Variants in SENP7 observed in about 807,000 individuals in gnomAD.
SENP7 encodes sentrin-specific protease 7.
A neutral mutation model predicts 141.2 loss-of-function variants in SENP7; 64 were observed. That is an observed-to-expected ratio of 0.45 (90% CI 0.37 to 0.56). SENP7 has a LOEUF of 0.56. SENP7 is among the 20% of genes least tolerant of loss of function. The probability of loss-of-function intolerance (pLI) is 0.00; values close to 1 mark genes in which losing one functional copy is unlikely to be tolerated. For missense variants in SENP7, 1,025 were observed against 1,212.2 expected, an observed-to-expected ratio of 0.85 and a Z score of 2.29; for synonymous variants, 382 against 426.4, an observed-to-expected ratio of 0.90 and a Z score of 1.28.
chr3:101,402,395 C>T lies in SENP7; in HGVS notation c.483-3340G>A, dbSNP rs551119933. ...TCCCAGCACTTTGGGCGGCAGAGGC[C>T]GGCGGATAACTTGAGGTCAGGAGTT... On this transcript the variant is annotated intron_variant, in intron 5 of 23. Coordinates refer to ENST00000394095, the MANE Select transcript of SENP7 (RefSeq NM_020654.5). Among the ~76,000 whole-genome samples the T allele has an allele frequency of 1.1e-4, 17 of 151,896 alleles. No individual in the cohort carries two copies. The East Asian group carries it at 1.7e-3, about 16-fold the overall frequency.
At chr3:101,508,492 G>C (rs921082632) in intron 1 of SENP7, among the ~76,000 whole-genome samples, 2 of 151,998 alleles carry the variant, frequency 1.3e-5, no homozygotes, top group South Asian at 2.1e-4. Flanking sequence ...CCAGCTACTC[G>C]GGAGGCTGAA....
intron 7 of SENP7, among the ~76,000 whole-genome samples, chr3:101,371,606 G>A (rs868275664): frequency 1.6e-4 from 25 of 152,092 alleles, no homozygotes; most frequent in Middle Eastern, 3.2e-3. Flanking sequence ...GCATCCTCCT[G>A]AAGTTGAGAG....
intron 4 of SENP7, among the ~76,000 whole-genome samples, chr3:101,424,701 G>A (rs2061900102): frequency 6.6e-6 from 1 of 151,910 alleles, no homozygotes; most frequent in Non-Finnish European, 1.5e-5. Flanking sequence ...TCACCAGCAG[G>A]GACTCCTGCT....
intron 9 of SENP7, among the ~76,000 whole-genome samples, 161 bp from the exon 10 acceptor site, chr3:101,365,152 G>A (rs867721433): frequency 3.3e-5 from 5 of 151,598 alleles, no homozygotes; most frequent in African/African-American, 4.8e-5. Context: ...ACAGGCATGC[G>A]CCACCATGCC....
chr3:101,441,033 C>T (rs1045673937), intron 4 of SENP7, among the ~76,000 whole-genome samples: 3 of 152,132 alleles, frequency 2.0e-5, no homozygotes, highest in African/African-American at 4.8e-5. Context: ...AGCTCACCAC[C>T]ACCATCAGCA....
At chr3:101,469,851 A>AAAAG (rs2063915386) in intron 3 of SENP7, among the ~76,000 whole-genome samples, 4 of 140,894 alleles carry the variant, frequency 2.8e-5, no homozygotes, top group African/African-American at 1.0e-4. Context: ...AAAAAAAAAA[A>AAAAG]AGAACAGAAA....
At chr3:101,392,875 T>G (rs1007263294) in intron 6 of SENP7, among the ~76,000 whole-genome samples, 1 of 152,142 alleles carries the variant, frequency 6.6e-6, no homozygotes. Context: ...TCCCAGCTAT[T>G]CAGGAGGCTG....
At chr3:101,331,750 A>G (rs2059060284) in intron 19 of SENP7, among the ~76,000 whole-genome samples, 2 of 152,208 alleles carry the variant, frequency 1.3e-5, no homozygotes, top group South Asian at 4.1e-4. Context: ...TGTTTGAAAT[A>G]TTTCATAAGA....
chr3:101,432,116 A>T (rs957797201), intron 4 of SENP7, among the ~76,000 whole-genome samples: 1 of 152,010 alleles, frequency 6.6e-6, no homozygotes, highest in Non-Finnish European at 1.5e-5. Context: ...ATCTTAAGAG[A>T]TTTCGGGCCT....
In SENP7 at chr3:101,458,961, G is replaced by C. The variant is rs199557195; in HGVS notation, c.278C>G (p.Pro93Arg). The change falls in exon 4 of 24, where the codon CCA becomes CGA. Residue 93 changes from proline (P) to arginine (R), a missense_variant. Pro to Arg is a moderately radical substitution (Grantham distance 103, BLOSUM62 -2). Around this residue, in one of 4 missense-constraint regions of SENP7, gnomAD observed 496 missense variants for 503.5 expected, o/e 0.99. Transcript: ENST00000394095. The part of the protein sequence containing the change: ...RGCPVTSKSS[P>R]ERQLKVMLTN... ...GCACACACACATATCTTACCTTTCT[G>C]GTGATGACTTGGAAGTAACAGGACA... 1 of 1,591,814 alleles carries C rather than the reference G, an allele frequency of 6.3e-7. No individual in the cohort carries two copies. The highest frequency in any genetic ancestry group is 2.2e-5 in the East Asian group (1 of 44,654).
intron 12 of SENP7, among the ~76,000 whole-genome samples, chr3:101,350,245 A>G (rs924281181): frequency 1.3e-5 from 2 of 152,156 alleles, no homozygotes; most frequent in African/African-American, 2.4e-5. Flanking sequence ...ATCAGTTCAG[A>G]TTACTTCTGG....
chr3:101,485,804 A>C (rs2064702521), intron 3 of SENP7, among the ~76,000 whole-genome samples: 1 of 152,192 alleles, frequency 6.6e-6, no homozygotes. Flanking sequence ...GATAGTCATA[A>C]AGCTAATCAG....
intron 4 of SENP7, among the ~76,000 whole-genome samples, chr3:101,421,438 T>C (rs561154813): frequency 1.3e-5 from 2 of 152,318 alleles, no homozygotes; most frequent in South Asian, 4.1e-4. Context: ...TTAAGTCTAA[T>C]GGAAAAACTA....
At chr3:101,438,803 T>C (rs1251897076) in intron 4 of SENP7, among the ~76,000 whole-genome samples, 7 of 151,478 alleles carry the variant, frequency 4.6e-5, no homozygotes, top group Admixed American at 2.0e-4. Flanking sequence ...TAAAAAAGAA[T>C]GAGTATCGGT....
At chr3:101,368,561 C>T (rs1171309759) in intron 7 of SENP7, among the ~76,000 whole-genome samples, 1 of 118,656 alleles carries the variant, frequency 8.4e-6, no homozygotes, top group East Asian at 2.5e-4. Flanking sequence ...GAACATCACA[C>T]ACTGGGCCTG....
At chr3:101,487,435 T>A (rs55965082) in intron 3 of SENP7, among the ~76,000 whole-genome samples, 1,531 of 152,266 alleles carry the variant, frequency 0.01, 29 homozygotes, top group African/African-American at 0.035. Flanking sequence ...TTGTTTTGTT[T>A]TTTTGCTGTG....
chr3:101,359,921 T>C (rs1402295298), intron 11 of SENP7, among the ~76,000 whole-genome samples: 1 of 151,808 alleles, frequency 6.6e-6, no homozygotes, highest in African/African-American at 2.4e-5. Flanking sequence ...ATAATTAATA[T>C]ATTAATTAAT....
intron 5 of SENP7, among the ~76,000 whole-genome samples, chr3:101,399,475 T>C (rs994348684): frequency 2.0e-4 from 31 of 152,312 alleles, no homozygotes; most frequent in African/African-American, 6.7e-4. Context: ...ATACTTGCAA[T>C]TGGGAAATGA....
At chr3:101,471,364 T>A (rs956752380) in intron 3 of SENP7, among the ~76,000 whole-genome samples, 1 of 152,244 alleles carries the variant, frequency 6.6e-6, no homozygotes, top group African/African-American at 2.4e-5. Flanking sequence ...TACAATCATC[T>A]GATCTTTGAC....
Sources: allele counts gnomAD v4.1 joint callset (sites outside exome capture counted in the v4.1 genomes callset), GRCh38; gene constraint gnomAD v4.1.1; regional missense constraint gnomAD v4.1.1; transcripts MANE v1.5; gene names NCBI Gene and HGNC (gene_info 2026-07-23, HGNC 2026-07-21).